The following NFIA variants were observed in gnomAD, a reference collection of about 807,000 sequenced individuals.
NFIA encodes nuclear factor I A.
A neutral mutation model predicts 62.8 loss-of-function variants in NFIA; 8 were observed. The observed-to-expected ratio is 0.13, with a 90% CI of 0.07 to 0.23. The LOEUF is 0.23. NFIA is among the 10% of genes least tolerant of loss of function. The pLI is 1.00. For synonymous variants in NFIA, 235 were observed against 238.1 expected, an observed-to-expected ratio of 0.99 and a Z score of 0.12; for missense variants, 410 against 642.1, an observed-to-expected ratio of 0.64 and a Z score of 3.91.
At chr1:61,130,987 C>T (rs1313464771) in intron 2 of NFIA, among the ~76,000 whole-genome samples, 2 of 152,092 alleles carry the variant, frequency 1.3e-5, no homozygotes, top group African/African-American at 4.8e-5. Flanking sequence ...GGTCATCAAT[C>T]TAGTCTTCCT....
intron 2 of NFIA, among the ~76,000 whole-genome samples, chr1:61,113,032 T>A (rs2100456238): frequency 6.6e-6 from 1 of 152,324 alleles, no homozygotes; most frequent in Non-Finnish European, 1.5e-5. Context: ...AAGATTGGAA[T>A]GAAAATTTCT....
At chr1:61,196,945 G>A (rs1026173088) in intron 2 of NFIA, among the ~76,000 whole-genome samples, 16 of 149,280 alleles carry the variant, frequency 1.1e-4, no homozygotes, top group African/African-American at 2.5e-4. Flanking sequence ...GTGTGTGCGC[G>A]CGCGCGCTGT....
At chr1:61,349,333 A>T (rs1454940564) in intron 4 of NFIA, among the ~76,000 whole-genome samples, 1 of 151,972 alleles carries the variant, frequency 6.6e-6, no homozygotes, top group Non-Finnish European at 1.5e-5. Context: ...TTTAGCAGTG[A>T]CTGTTTTTGT....
At position 61,401,059 on chromosome 1, in the gene NFIA, A is replaced by T. The variant is rs138644700; in HGVS notation, c.1076-3045A>T. On this transcript the variant is annotated intron_variant, in intron 7 of 10. Transcript: ENST00000403491. The stretch of plus-strand genomic sequence containing the variant: ...AGAGCTTTGTGATGTCAGTAACGTA[A>T]CTATTTTCTGTTTGAAGAAATGAAG... Among the ~76,000 whole-genome samples the T allele has an allele frequency of 1.2e-3, 181 of 152,320 alleles. 1 individual carries two copies. The highest frequency in any genetic ancestry group is 4.3e-3 in the African/African-American group (179 of 41,572).
chr1:61,443,336 G>A (rs996845139), intron 10 of NFIA, among the ~76,000 whole-genome samples: 1 of 152,062 alleles, frequency 6.6e-6, no homozygotes, highest in African/African-American at 2.4e-5. Flanking sequence ...ATCCTCACAA[G>A]CACCATGCTA....
At chr1:61,260,942 T>G (rs1185357880) in intron 2 of NFIA, among the ~76,000 whole-genome samples, 1 of 152,234 alleles carries the variant, frequency 6.6e-6, no homozygotes, top group Non-Finnish European at 1.5e-5. Flanking sequence ...TTGTAATCAG[T>G]ATATCTATGA....
At chr1:61,184,205 C>T (rs1417227474) in intron 2 of NFIA, among the ~76,000 whole-genome samples, 2 of 151,660 alleles carry the variant, frequency 1.3e-5, no homozygotes, top group African/African-American at 2.4e-5. Flanking sequence ...GAATGGGACT[C>T]GGCTTGCTTC....
chr1:61,292,183 A>G (rs902906789), intron 3 of NFIA, among the ~76,000 whole-genome samples: 2 of 152,164 alleles, frequency 1.3e-5, no homozygotes, highest in Admixed American at 1.3e-4. Flanking sequence ...AAGCTACAGT[A>G]TAAATGGAAG....
chr1:61,084,032 A>ATT (rs200871713), intron 1 of NFIA, among the ~76,000 whole-genome samples: 1 of 149,084 alleles, frequency 6.7e-6, no homozygotes, highest in African/African-American at 2.5e-5. Context: ...GTTTTGCGCT[A>ATT]TTTTTTTTTT....
chr1:61,269,984 G>T (rs954676058), intron 2 of NFIA, among the ~76,000 whole-genome samples: 1 of 152,154 alleles, frequency 6.6e-6, no homozygotes, highest in Non-Finnish European at 1.5e-5. Context: ...AATAAACAAC[G>T]GCAAGCTGAG....
At chr1:61,369,792 A>T (rs1663787239) in intron 6 of NFIA, among the ~76,000 whole-genome samples, 1 of 152,060 alleles carries the variant, frequency 6.6e-6, no homozygotes, top group African/African-American at 2.4e-5. Flanking sequence ...ATATATAAAT[A>T]TATATGTGTG....
At chr1:61,129,450 CTTTTT>C (rs58108909) in intron 2 of NFIA, among the ~76,000 whole-genome samples, 2 of 99,186 alleles carry the variant, frequency 2.0e-5, no homozygotes, top group Admixed American at 2.1e-4. Context: ...TTTCTTTATT[CTTTTT>C]TTTTTTTTTT....
At chr1:61,391,435 A>AACAC (rs60938787) in intron 7 of NFIA, among the ~76,000 whole-genome samples, 5,264 of 124,554 alleles carry the variant, frequency 0.042, 142 homozygotes, top group African/African-American at 0.059. Context: ...TTATGAATCA[A>AACAC]ACACACACAC....
chr1:61,433,205 G>T (rs1044218822), intron 10 of NFIA, among the ~76,000 whole-genome samples: 4 of 152,140 alleles, frequency 2.6e-5, no homozygotes, highest in African/African-American at 4.8e-5. Flanking sequence ...TCGTTCTTCT[G>T]AAGATCTGCC....
Position 61,411,910 on chromosome 1 carries a change from G to A in NFIA, c.1420+5183G>A, listed in dbSNP as rs138241104. On this transcript the variant is annotated intron_variant, in intron 9 of 10. Transcript: ENST00000403491. ...GGTGAGATCAGGGAATGAAAGCAAG[G>A]GGGTGAGGTCAGAGTGGAGTGAGGA... is the stretch of plus-strand genomic sequence containing the variant. 2.0e-5 allele frequency among the ~76,000 whole-genome samples: 3 copies of A among 151,878 alleles called. No individual in the cohort carries two copies. In the East Asian group the frequency reaches 5.9e-4, roughly 30 times the overall value.
At chr1:61,407,073 C>A (rs1665876100) in intron 9 of NFIA, among the ~76,000 whole-genome samples, 1 of 152,164 alleles carries the variant, frequency 6.6e-6, no homozygotes, top group Non-Finnish European at 1.5e-5. Flanking sequence ...AGAAAAAGTT[C>A]CTCATTCTTA....
At chr1:61,158,285 T>C (rs1299390919) in intron 2 of NFIA, among the ~76,000 whole-genome samples, 4 of 152,222 alleles carry the variant, frequency 2.6e-5, no homozygotes, top group Non-Finnish European at 5.9e-5. Context: ...TCTTTCTTAA[T>C]AATTTTACAT....
At chr1:61,086,678 G>A (rs1418597053) in intron 1 of NFIA, among the ~76,000 whole-genome samples, 23 of 152,022 alleles carry the variant, frequency 1.5e-4, no homozygotes, top group Admixed American at 1.5e-3. Context: ...CAGTCATATA[G>A]AGTGTTTAAA....
At chr1:61,395,870 G>A (rs1205371660) in intron 7 of NFIA, among the ~76,000 whole-genome samples, 1 of 152,174 alleles carries the variant, frequency 6.6e-6, no homozygotes, top group African/African-American at 2.4e-5. Context: ...TAAAGACTGA[G>A]TCTAGATATA....
Sources: allele counts gnomAD v4.1 joint callset (sites outside exome capture counted in the v4.1 genomes callset), GRCh38; gene constraint gnomAD v4.1.1; transcripts MANE v1.5; gene names NCBI Gene and HGNC (gene_info 2026-07-23, HGNC 2026-07-21).